The following ARMC9 variants were observed in gnomAD, a reference collection of about 807,000 sequenced individuals.
ARMC9 encodes the protein armadillo repeat containing 9.
In ARMC9, 94 loss-of-function variants were observed where a neutral mutation model predicts 107.0. That is an observed-to-expected ratio of 0.88 (90% CI 0.74 to 1.04). The LOEUF (loss-of-function observed/expected upper bound fraction) is 1.04, where lower values mean the gene tolerates loss of function less well. Ranked by LOEUF, ARMC9 falls within the 50% of genes least tolerant of loss-of-function variation. The probability of loss-of-function intolerance (pLI) is 0.00; values close to 1 mark genes in which losing one functional copy is unlikely to be tolerated. For synonymous variants in ARMC9, 380 were observed against 396.9 expected (o/e 0.96, Z 0.51); for missense variants, 942 against 1,030.1 (o/e 0.91, Z 1.17).
intron 7 of ARMC9, among the ~76,000 whole-genome samples, chr2:231,229,230 C>T (rs1378262279): frequency 6.6e-6 from 1 of 152,134 alleles, no homozygotes; most frequent in Non-Finnish European, 1.5e-5. Flanking sequence ...TTTGTCACCC[C>T]CTTGTCCCCT....
chr2:231,370,914 C>T (rs1024478351), intron 24 of ARMC9: 4 of 343,820 alleles, frequency 1.2e-5, no homozygotes, highest in African/African-American at 4.3e-5. Flanking sequence ...GCCCCCAGCC[C>T]GCCCCACCCT....
chr2:231,238,682 A>G (rs1301323769), intron 8 of ARMC9, among the ~76,000 whole-genome samples: 1 of 152,210 alleles, frequency 6.6e-6, no homozygotes, highest in African/African-American at 2.4e-5. Flanking sequence ...TTTTAATACT[A>G]TAGAAATTTA....
intron 7 of ARMC9, among the ~76,000 whole-genome samples, chr2:231,231,346 T>G (rs2035193409): frequency 6.6e-6 from 1 of 152,216 alleles, no homozygotes; most frequent in Non-Finnish European, 1.5e-5. Flanking sequence ...AAGTTTTAAC[T>G]TATCTAATTT....
intron 19 of ARMC9, among the ~76,000 whole-genome samples, chr2:231,305,141 A>G (rs1337469526): frequency 6.6e-6 from 1 of 152,248 alleles, no homozygotes; most frequent in Non-Finnish European, 1.5e-5. Flanking sequence ...AATTCCTACC[A>G]GTTCATCAAG....
At chr2:231,357,560 T>C (rs1402005899) in intron 22 of ARMC9, among the ~76,000 whole-genome samples, 1 of 146,612 alleles carries the variant, frequency 6.8e-6, no homozygotes, top group African/African-American at 2.8e-5. Flanking sequence ...TAGTCCTCCT[T>C]TTATTTTATT....
chr2:231,282,486 G>A (rs1208555974), intron 17 of ARMC9, among the ~76,000 whole-genome samples: 1 of 152,228 alleles, frequency 6.6e-6, no homozygotes, highest in Non-Finnish European at 1.5e-5. Flanking sequence ...AGTGTTTAAT[G>A]TGTACGTTAA....
At chr2:231,241,672 GTTTA>G (rs1281697033) in intron 9 of ARMC9, among the ~76,000 whole-genome samples, 1 of 152,068 alleles carries the variant, frequency 6.6e-6, no homozygotes, top group African/African-American at 2.4e-5. Flanking sequence ...ATTTGAAGAA[GTTTA>G]TTATAATATG....
At chr2:231,361,091 A>G (rs957116812) in intron 23 of ARMC9, among the ~76,000 whole-genome samples, 5 of 152,238 alleles carry the variant, frequency 3.3e-5, no homozygotes, top group African/African-American at 1.2e-4. Flanking sequence ...CCTGAGAGCC[A>G]TCAGTCAGAC....
At chr2:231,328,099 A>G (rs1478988262) in intron 19 of ARMC9, among the ~76,000 whole-genome samples, 1 of 152,096 alleles carries the variant, frequency 6.6e-6, no homozygotes, top group African/African-American at 2.4e-5. Context: ...TTGCCATTCT[A>G]ATAGGCATGT....
intron 10 of ARMC9, among the ~76,000 whole-genome samples, chr2:231,257,316 A>C (rs2037920208): frequency 6.6e-6 from 1 of 151,934 alleles, no homozygotes; most frequent in South Asian, 2.1e-4. Flanking sequence ...ATGCCTGAGC[A>C]CTCCTGTCCT....
intron 7 of ARMC9, among the ~76,000 whole-genome samples, chr2:231,233,711 G>C (rs2035458793): frequency 6.6e-6 from 1 of 152,008 alleles, no homozygotes; most frequent in South Asian, 2.1e-4. Flanking sequence ...GGGAGGCGGA[G>C]GTTGCAGTGA....
intron 17 of ARMC9, among the ~76,000 whole-genome samples, chr2:231,282,855 T>C (rs2040314164): frequency 6.6e-6 from 1 of 152,234 alleles, no homozygotes; most frequent in Non-Finnish European, 1.5e-5. Context: ...TGGACCTTAA[T>C]TGCCTACTGC....
intron 21 of ARMC9, among the ~76,000 whole-genome samples, chr2:231,355,512 A>T (rs1203396269): frequency 6.6e-6 from 1 of 152,166 alleles, no homozygotes; most frequent in East Asian, 1.9e-4. Flanking sequence ...TCATGGTCCC[A>T]TGTCACCCAG....
intron 12 of ARMC9, among the ~76,000 whole-genome samples, chr2:231,267,527 G>A (rs887951665): frequency 6.6e-6 from 1 of 152,180 alleles, no homozygotes; most frequent in Non-Finnish European, 1.5e-5. Context: ...CACTGCACCC[G>A]GCCCGGCAGC....
chr2:231,261,411 T>C (rs964347168), intron 11 of ARMC9, among the ~76,000 whole-genome samples: 1 of 152,236 alleles, frequency 6.6e-6, no homozygotes, highest in Non-Finnish European at 1.5e-5. Context: ...TCTACACTCA[T>C]GCATGCACGC....
At chr2:231,256,427 AAG>A in intron 9 of ARMC9, 157 bp from the exon 10 acceptor site, 1 of 1,174,908 alleles carries the variant, frequency 8.5e-7, no homozygotes, top group Non-Finnish European at 1.2e-6. Flanking sequence ...CCTTTAAATA[AAG>A]CGTTTGTGTT....
intron 19 of ARMC9, among the ~76,000 whole-genome samples, chr2:231,300,553 T>C (rs1487319657): frequency 6.6e-6 from 1 of 152,206 alleles, no homozygotes; most frequent in Non-Finnish European, 1.5e-5. Flanking sequence ...TCATCTCCTC[T>C]TCTTAGCAGC....
intron 7 of ARMC9, among the ~76,000 whole-genome samples, chr2:231,227,631 C>T (rs1246432997): frequency 6.6e-6 from 1 of 152,192 alleles, no homozygotes; most frequent in Non-Finnish European, 1.5e-5. Flanking sequence ...GAGTGAAACT[C>T]TTTTAAAGAA....
intron 14 of ARMC9, 142 bp downstream of exon 14, chr2:231,273,220 T>C (rs1383943528): frequency 8.6e-7 from 1 of 1,169,558 alleles, no homozygotes; most frequent in African/African-American, 1.5e-5. Flanking sequence ...GCTAGAAAGC[T>C]TATCTGTAAT....
Sources: gnomAD v4.1 joint callset for allele counts (sites outside exome capture counted in the v4.1 genomes callset) on GRCh38, gnomAD v4.1.1 for gene constraint, MANE v1.5 for transcripts, NCBI Gene and HGNC (gene_info 2026-07-23, HGNC 2026-07-21) for gene names.